MTSS2: variants seen among roughly 807,000 people sequenced by gnomAD.
The protein encoded by MTSS2 is MTSS I-BAR domain containing 2, also known as protein MTSS 2.
A neutral mutation model predicts 67.1 loss-of-function variants in MTSS2; 27 were observed. That is an observed-to-expected ratio of 0.40 (90% CI 0.30 to 0.55). MTSS2 has a LOEUF of 0.55. Ranked by LOEUF, MTSS2 falls within the 20% of genes least tolerant of loss-of-function variation. The pLI is 0.43. For synonymous variants in MTSS2, 624 were observed against 468.6 expected, an observed-to-expected ratio of 1.33 and a Z score of -4.28; for missense variants, 1,171 against 1,067.8, an observed-to-expected ratio of 1.10 and a Z score of -1.35.
At chr16:70,667,679 C>G in intron 11 of MTSS2, among the ~76,000 whole-genome samples, 1 of 152,154 alleles carries the variant, frequency 6.6e-6, no homozygotes, top group Non-Finnish European at 1.5e-5. Flanking sequence ...TTGAGACCAG[C>G]CTGGCCAACA....
Position 70,663,952 on chromosome 16 carries a change from C to CG in MTSS2, c.1968dup (p.Gly657ArgfsTer34). The CG allele has an allele frequency of 4.5e-6, 7 of 1,561,654 alleles. No individual in the cohort carries two copies. Among genetic ancestry groups the CG allele is most frequent in the Non-Finnish European group, 6.1e-6 (7 of 1,155,468 alleles). Reference sequence around the variant, plus strand: ...TGCTGCTCGTCCTCGGCCCCTGCCCCGGGGTACCCGGCTGCCTCTGGGGAT... The same window carrying CG: ...TGCTGCTCGTCCTCGGCCCCTGCCCCGGGGGTACCCGGCTGCCTCTGGGGAT... On this transcript the variant is annotated frameshift_variant, in exon 15 of 15. Coordinates refer to ENST00000338779, the MANE Select transcript of MTSS2 (RefSeq NM_138383.3). LOFTEE classifies it low-confidence loss of function (END_TRUNC).
Position 70,663,916 on chromosome 16 carries a change from C to T in MTSS2, c.2005G>A (p.Ala669Thr), listed in dbSNP as rs758200972. 3 of 1,550,422 alleles carry T rather than the reference C, an allele frequency of 1.9e-6. No individual in the cohort carries two copies. Among genetic ancestry groups the T allele is most frequent in the East Asian group, 2.4e-5 (1 of 41,488 alleles). ...GAEDEQQQLAANRHSLVEKLG... is the reference protein window; with the variant it reads ...GAEDEQQQLATNRHSLVEKLG... ...TTCTCCACCAGGCTGTGCCGGTTGG[C>T]CGCCAGCTGCTGCTGCTCGTCCTCG... Residue 669 changes from alanine to threonine, a missense_variant, in exon 15 of 15, where the codon GCC becomes ACC. Ala to Thr is a moderately conservative substitution (Grantham distance 58). Coordinates refer to ENST00000338779, the MANE Select transcript of MTSS2 (RefSeq NM_138383.3).
At chr16:70,684,930 G>A (rs893225450) in intron 1 of MTSS2, among the ~76,000 whole-genome samples, 1 of 152,200 alleles carries the variant, frequency 6.6e-6, no homozygotes, top group South Asian at 2.1e-4. Context: ...GTGACCTTGA[G>A]CCATTTCCAG....
chr16:70,671,390 A>G (rs1278074426), intron 11 of MTSS2, among the ~76,000 whole-genome samples: 1 of 150,850 alleles, frequency 6.6e-6, no homozygotes. Context: ...CAATGGAGCG[A>G]GAGTCTGTGT....
intron 1 of MTSS2, among the ~76,000 whole-genome samples, chr16:70,682,083 C>T (rs1321384541): frequency 1.3e-5 from 2 of 152,200 alleles, no homozygotes; most frequent in Admixed American, 6.5e-5. Flanking sequence ...CAGGCTAGGG[C>T]TTGCCCTGCC....
Position 70,678,350 on chromosome 16 carries a change from G to A in MTSS2, c.526C>T (p.Leu176=), listed in dbSNP as rs1446618276. The change falls in exon 8 of 15, where the codon CTG becomes TTG. Residue 176 remains leucine, a synonymous_variant. Transcript: ENST00000338779. ...TGCTTCTCCGTCTCCTCCAGCAGCA[G>A]GTACATGTCGTTGACGTCCTGCAGG... is the stretch of plus-strand genomic sequence containing the variant. ...SALQDVNDMY[L]LLEETEKQAV... is the part of the protein sequence containing the mutation. 6.2e-7 allele frequency: 1 copy of A among 1,613,006 alleles called. No individual in the cohort carries two copies. Among genetic ancestry groups the A allele is most frequent in the Non-Finnish European group, 8.5e-7 (1 of 1,179,994 alleles).
Position 70,665,560 on chromosome 16 carries a change from A to G in MTSS2, c.1054-20T>C. On this transcript the variant is annotated intron_variant, in intron 11 of 14. Coordinates refer to ENST00000338779, the MANE Select transcript of MTSS2 (RefSeq NM_138383.3). ...GGACTTCTGCCATGCAGAGGCCAGC[A>G]GGCGGTTGCAGACAGAGGGGCCGGC... 1 of 1,542,824 alleles carries G rather than the reference A, an allele frequency of 6.5e-7. No homozygotes were observed. Among genetic ancestry groups the G allele is most frequent in the Non-Finnish European group, 8.7e-7 (1 of 1,143,984 alleles).
At chr16:70,684,739 CAGG>C (rs972087854) in intron 1 of MTSS2, among the ~76,000 whole-genome samples, 1 of 152,218 alleles carries the variant, frequency 6.6e-6, no homozygotes, top group African/African-American at 2.4e-5. Flanking sequence ...GGGGGCACGG[CAGG>C]AGGGCAGGAA....
intron 1 of MTSS2, among the ~76,000 whole-genome samples, chr16:70,684,112 C>T (rs60964009): frequency 0.05 from 7,617 of 152,274 alleles, 408 homozygotes; most frequent in African/African-American, 0.14. Flanking sequence ...TCCACTTCCA[C>T]GAGCAAAATC....
chr16:70,664,814 C>A (rs781080659), intron 13 of MTSS2, 51 bp from the exon 14 acceptor site: 2 of 1,546,310 alleles, frequency 1.3e-6, no homozygotes, highest in Admixed American at 1.9e-5. Context: ...ATCCCCTCTG[C>A]CCAAATTCCA....
At chr16:70,679,604 G>T (rs781208779) in intron 6 of MTSS2, 26 bp downstream of exon 6, 15 of 1,578,474 alleles carry the variant, frequency 9.5e-6, no homozygotes, top group Non-Finnish European at 1.1e-5. Flanking sequence ...GTGGGGCTGT[G>T]GCTGGGGGGC....
intron 1 of MTSS2, 125 bp from the exon 2 acceptor site, chr16:70,681,150 T>C (rs1567507018): frequency 3.6e-6 from 3 of 844,360 alleles, no homozygotes; most frequent in African/African-American, 3.4e-5. Flanking sequence ...CCCTGCCCCA[T>C]GGAGAGGGAG....
At chr16:70,673,968 AAAG>A (rs1325601861) in intron 11 of MTSS2, among the ~76,000 whole-genome samples, 1 of 152,176 alleles carries the variant, frequency 6.6e-6, no homozygotes, top group Non-Finnish European at 1.5e-5. Flanking sequence ...GGACAAATAG[AAAG>A]AAGAAAGCCA....
At chr16:70,679,941 C>G in intron 4 of MTSS2, 30 bp downstream of exon 4, 1 of 1,486,370 alleles carries the variant, frequency 6.7e-7, no homozygotes, top group Non-Finnish European at 8.9e-7. Flanking sequence ...CGTCCCCCCG[C>G]CCCCCTGCCC....
Position 70,661,541 on chromosome 16 carries a change from C to T in MTSS2, c.*2136G>A, listed in dbSNP as rs541963690. ...CGTACAAAATGAGAAATTAAACGAA[C>T]GTAAAGTCCCCCAAACCAAAGTTTG... On this transcript the variant is annotated 3_prime_UTR_variant, in exon 15 of 15. Transcript: ENST00000338779. The T allele has an allele frequency of 4.9e-5, 17 of 350,406 alleles. No homozygotes were observed. The highest frequency in any genetic ancestry group is 1.0e-3 in the Middle Eastern group (1 of 956). The allele number at this position is 350,406 out of a possible 1,614,324, so 21.7% of individuals were successfully genotyped here. A position where few individuals can be genotyped will look rare whatever the true frequency, so the allele number is the denominator to read the frequency against.
Position 70,680,911 on chromosome 16 carries a change from G to GGA in MTSS2, c.132-45_132-44insTC, listed in dbSNP as rs766882436. 13 of 1,481,800 alleles carry GGA rather than the reference G, an allele frequency of 8.8e-6. No individual in the cohort carries two copies. The East Asian group carries it at 2.4e-4, about 27-fold the overall frequency. The allele number at this position is 1,481,800 out of a possible 1,614,324, so 91.8% of individuals were successfully genotyped here. On this transcript the variant is annotated intron_variant, in intron 2 of 14. Coordinates refer to ENST00000338779, the MANE Select transcript of MTSS2 (RefSeq NM_138383.3). ...GCATGGATGGTCGGTGGTTGGGCGG[G>GGA]GGGGGGGCCTCTGCCTGCCCCTCCC...
At chr16:70,675,283 C>T (rs2053079715) in intron 10 of MTSS2, among the ~76,000 whole-genome samples, 2 of 151,994 alleles carry the variant, frequency 1.3e-5, no homozygotes, top group South Asian at 4.2e-4. Flanking sequence ...ATTAGCCAGG[C>T]GTGGTGGTGC....
chr16:70,679,690 G>T lies in MTSS2; in HGVS notation c.397C>A (p.Arg133=), dbSNP rs565803504. The change falls in exon 6 of 15, where the codon CGG becomes AGG. Residue 133 remains arginine, a synonymous_variant. Coordinates refer to ENST00000338779, the MANE Select transcript of MTSS2 (RefSeq NM_138383.3). ...GACGACTTCTTTTTGATCTCATGCC[G>T]GGCTCGTTTGTACTCTGCAGAAGGG... ...KDHAKEYKRA[R]HEIKKKSSDT... is the part of the protein sequence containing the mutation. 2 of 1,611,252 alleles carry T rather than the reference G, an allele frequency of 1.2e-6. No homozygotes were observed. Among genetic ancestry groups the T allele is most frequent in the Non-Finnish European group, 1.7e-6 (2 of 1,178,872 alleles).
In MTSS2 at chr16:70,670,467, T is replaced by C. The variant is rs537207865; in HGVS notation, c.1053+3839A>G. On this transcript the variant is annotated intron_variant, in intron 11 of 14. Coordinates refer to ENST00000338779, the MANE Select transcript of MTSS2 (RefSeq NM_138383.3). ...TACTAGAATGTTCACAGCAGCACTA[T>C]TAGCAACATCATAGCCAAAAAACTG... 2.0e-5 allele frequency among the ~76,000 whole-genome samples: 3 copies of C among 152,284 alleles called. No homozygotes were observed. The South Asian group carries it at 6.2e-4, about 32-fold the overall frequency.
Sources: gnomAD v4.1 joint callset for allele counts (sites outside exome capture counted in the v4.1 genomes callset) on GRCh38, gnomAD v4.1.1 for gene constraint, MANE v1.5 for transcripts, NCBI Gene and HGNC (gene_info 2026-07-23, HGNC 2026-07-21) for gene names.